The following UBR2 variants were observed in gnomAD, a reference collection of about 807,000 sequenced individuals.
UBR2 encodes E3 ubiquitin-protein ligase UBR2.
In UBR2, 92 loss-of-function variants were observed where a neutral mutation model predicts 247.9. The observed-to-expected ratio is 0.37, with a 90% CI of 0.31 to 0.44. The LOEUF (loss-of-function observed/expected upper bound fraction) is 0.44, where lower values mean the gene tolerates loss of function less well. Ranked by LOEUF, UBR2 falls within the 20% of genes least tolerant of loss-of-function variation. The pLI, the probability that UBR2 is intolerant of heterozygous loss-of-function variation, is 1.00. For synonymous variants in UBR2, 672 were observed against 693.5 expected, an observed-to-expected ratio of 0.97 and a Z score of 0.49; for missense variants, 1,613 against 2,112.6, an observed-to-expected ratio of 0.76 and a Z score of 4.64.
At chr6:42,686,828 G>GCCAAGGCAGGC (rs1799439522) in intron 44 of UBR2, among the ~76,000 whole-genome samples, 1 of 150,800 alleles carries the variant, frequency 6.6e-6, no homozygotes, top group Non-Finnish European at 1.5e-5. Flanking sequence ...CCGGGCGGAG[G>GCCAAGGCAGGC]GGCTCCTCAC....
At chr6:42,567,541 C>T (rs950830392) in intron 1 of UBR2, among the ~76,000 whole-genome samples, 3 of 151,930 alleles carry the variant, frequency 2.0e-5, no homozygotes, top group Non-Finnish European at 2.9e-5. Context: ...CCATCCTGGC[C>T]AACATGGTGA....
chr6:42,632,537 A>C lies in UBR2; in HGVS notation c.1282-15A>C. On this transcript the variant is annotated splice_polypyrimidine_tract_variant and intron_variant, in intron 11 of 46. Transcript: ENST00000372901. ...GTTTTTGATTACCATGCACTCTGAT[A>C]AACTTTGTTTTTAGGCTCGAATGCT... 3.8e-6 allele frequency: 6 copies of C among 1,583,770 alleles called. No homozygotes were observed. The highest frequency in any genetic ancestry group is 5.1e-6 in the Non-Finnish European group (6 of 1,167,404).
At chr6:42,567,340 TTGACTCCATAAGTA>T (rs1790840614) in intron 1 of UBR2, among the ~76,000 whole-genome samples, 1 of 152,226 alleles carries the variant, frequency 6.6e-6, no homozygotes, top group South Asian at 2.1e-4. Context: ...CTTGTTAGAA[TTGACTCCATAAGTA>T]TGACTTTCCC....
intron 3 of UBR2, 91 bp downstream of exon 3, chr6:42,592,320 A>C: frequency 9.6e-7 from 1 of 1,036,988 alleles, no homozygotes; most frequent in South Asian, 2.2e-5. Context: ...ATTTAACACT[A>C]AAATGGGGGG....
At chr6:42,627,693 G>T (rs891707064) in intron 11 of UBR2, among the ~76,000 whole-genome samples, 1 of 151,564 alleles carries the variant, frequency 6.6e-6, no homozygotes, top group Non-Finnish European at 1.5e-5. Flanking sequence ...CTTATTTTTA[G>T]TAGAGACAAT....
At chr6:42,586,837 T>TTC (rs386406861) in intron 2 of UBR2, among the ~76,000 whole-genome samples, 1 of 149,624 alleles carries the variant, frequency 6.7e-6, no homozygotes, top group East Asian at 1.9e-4. Context: ...TTTTTTTTTT[T>TTC]TTGAGACAGA....
chr6:42,658,445 A>G (rs1797567789), intron 28 of UBR2, 125 bp downstream of exon 28: 2 of 1,109,156 alleles, frequency 1.8e-6, no homozygotes, highest in African/African-American at 3.2e-5. Flanking sequence ...ATATGCCACT[A>G]TTTATCTCTA....
At chr6:42,573,006 C>T (rs533704786) in intron 1 of UBR2, among the ~76,000 whole-genome samples, 2 of 152,148 alleles carry the variant, frequency 1.3e-5, no homozygotes, top group African/African-American at 4.8e-5. Flanking sequence ...TGTGGATACC[C>T]AGGTTGAGCT....
rs747429985 is a variant in UBR2, at chr6:42,658,047, TCTC to T, written c.2899_2901del (p.Pro967del). On this transcript the variant is annotated inframe_deletion, in exon 27 of 47. Coordinates refer to ENST00000372901, the MANE Select transcript of UBR2 (RefSeq NM_001363705.2). ...AGAACCTGGTGAAGCGCCAAAAAAT[TCTC>T]CTAGCATACTAGCTATGCTGGAAAC... is the stretch of plus-strand genomic sequence containing the variant. 5 of 1,613,710 alleles carry T rather than the reference TCTC, an allele frequency of 3.1e-6. No homozygotes were observed. The highest frequency in any genetic ancestry group is 1.6e-4 in the Middle Eastern group (1 of 6,084).
intron 2 of UBR2, among the ~76,000 whole-genome samples, chr6:42,590,189 T>A (rs1232985014): frequency 6.6e-6 from 1 of 152,206 alleles, no homozygotes; most frequent in East Asian, 1.9e-4. Context: ...ACACAAAACA[T>A]TTTAATACAA....
intron 18 of UBR2, 147 bp from the exon 19 acceptor site, chr6:42,644,067 C>T (rs1028196401): frequency 5.2e-6 from 4 of 771,900 alleles, no homozygotes; most frequent in Non-Finnish European, 6.1e-6. Context: ...AATGGGTTTT[C>T]ATCTTTTATT....
chr6:42,669,305 G>A (rs1329641477), intron 34 of UBR2, among the ~76,000 whole-genome samples: 2 of 152,074 alleles, frequency 1.3e-5, no homozygotes, highest in African/African-American at 4.8e-5. Flanking sequence ...ATATTTCTTG[G>A]TATATGAATC....
At chr6:42,690,070 G>T (rs2151999405) in intron 46 of UBR2, among the ~76,000 whole-genome samples, 1 of 152,088 alleles carries the variant, frequency 6.6e-6, no homozygotes, top group East Asian at 1.9e-4. Context: ...AAAATCTGGG[G>T]GACAAAGATT....
intron 11 of UBR2, among the ~76,000 whole-genome samples, 177 bp from the exon 12 acceptor site, chr6:42,632,375 C>T (rs1795802627): frequency 6.6e-6 from 1 of 152,014 alleles, no homozygotes; most frequent in Non-Finnish European, 1.5e-5. Context: ...GCTTCATACA[C>T]ATGGCAATTG....
chr6:42,670,340 C>A, intron 35 of UBR2, 100 bp downstream of exon 35: 1 of 1,414,542 alleles, frequency 7.1e-7, no homozygotes, highest in Non-Finnish European at 9.6e-7. Context: ...AAGTGGGTAA[C>A]AACGTGAAGA....
intron 11 of UBR2, among the ~76,000 whole-genome samples, chr6:42,631,917 A>G (rs1795759815): frequency 7.2e-6 from 1 of 139,832 alleles, no homozygotes; most frequent in South Asian, 2.2e-4. Flanking sequence ...TTATATATAT[A>G]TAAAATACAC....
intron 43 of UBR2, among the ~76,000 whole-genome samples, chr6:42,683,917 T>C (rs1465855206): frequency 1.3e-5 from 2 of 152,236 alleles, no homozygotes; most frequent in Non-Finnish European, 2.9e-5. Flanking sequence ...ACTCAACCCA[T>C]ATCTCTTAGT....
At chr6:42,605,075 T>C (rs142204781) in intron 5 of UBR2, among the ~76,000 whole-genome samples, 61 of 152,138 alleles carry the variant, frequency 4.0e-4, no homozygotes, top group Non-Finnish European at 6.8e-4. Context: ...GTGCAAGATT[T>C]CTGTCTCTCT....
chr6:42,684,513 G>A (rs4714619), intron 43 of UBR2, among the ~76,000 whole-genome samples: 24,546 of 151,652 alleles, frequency 0.16, 2,545 homozygotes, highest in African/African-American at 0.29. Context: ...GAACCCGGGA[G>A]GCGGAGGTTG....
Sources: allele counts gnomAD v4.1 joint callset (sites outside exome capture counted in the v4.1 genomes callset), GRCh38; gene constraint gnomAD v4.1.1; transcripts MANE v1.5; gene names NCBI Gene and HGNC (gene_info 2026-07-23, HGNC 2026-07-21).